COG2: variants seen among roughly 807,000 people sequenced by gnomAD.
COG2 encodes the protein conserved oligomeric Golgi complex subunit 2.
A neutral mutation model predicts 90.6 loss-of-function variants in COG2; 52 were observed. The ratio of observed to expected loss-of-function variants is 0.57; its 90% CI spans 0.46 to 0.72. The LOEUF is 0.72. Among genes scored for constraint, COG2 ranks in the 30% least tolerant of loss-of-function variants. The pLI is 0.00. For missense variants in COG2, 829 were observed against 891.2 expected (o/e 0.93, Z 0.89); for synonymous variants, 337 against 320.4 (o/e 1.05, Z -0.55).
rs1663105213 is a variant in COG2, at chr1:230,693,902, A to C, written c.*509A>C. ...ACTGTGTGTGAGAGCAGTGCTTCTG[A>C]TCCTGCTGTCACCCCGACCTCTGGC... On this transcript the variant is annotated 3_prime_UTR_variant, in exon 18 of 18. Transcript: ENST00000366669. 1 of 152,204 alleles carries C rather than the reference A, an allele frequency of 6.6e-6. No individual in the cohort carries two copies. Among genetic ancestry groups the C allele is most frequent in the Admixed American group, 6.5e-5 (1 of 15,270 alleles). 9.4% of individuals were successfully genotyped at this position (152,204 alleles called of 1,614,324 possible). A position where few individuals can be genotyped will look rare whatever the true frequency, so the allele number is the denominator to read the frequency against.
At chr1:230,652,686 C>T (rs542472839) in intron 1 of COG2, among the ~76,000 whole-genome samples, 1 of 152,328 alleles carries the variant, frequency 6.6e-6, no homozygotes, top group Non-Finnish European at 1.5e-5. Context: ...TGCTCCATAA[C>T]TTCAGAAGCA....
chr1:230,655,102 T>C (rs1484532933), intron 1 of COG2, among the ~76,000 whole-genome samples: 3 of 152,208 alleles, frequency 2.0e-5, no homozygotes, highest in Non-Finnish European at 4.4e-5. Context: ...TTCTCTTGCC[T>C]GATTGCCTTG....
rs562635129 is a variant in COG2 at position 230,656,285 on chromosome 1, C to A, written c.73-3179C>A. Among the ~76,000 whole-genome samples, 5 of 152,176 alleles carry A rather than the reference C, an allele frequency of 3.3e-5. No homozygotes were observed. In the South Asian group the frequency reaches 1.0e-3, roughly 32 times the overall value. The stretch of plus-strand genomic sequence containing the variant: ...CTCTACACACTCCTTTACATGTGTC[C>A]CGGAGATTCTGGTACGTTGTGTCTT... On this transcript the variant is annotated intron_variant, in intron 1 of 17. Transcript: ENST00000366669.
chr1:230,670,666 G>A (rs1662426709), intron 7 of COG2: 2 of 152,098 alleles, frequency 1.3e-5, no homozygotes, highest in Admixed American at 1.3e-4. Flanking sequence ...ACGCAGGCTG[G>A]GGTGCAGAGG....
At chr1:230,646,878 A>G (rs1019855117) in intron 1 of COG2, among the ~76,000 whole-genome samples, 4 of 151,894 alleles carry the variant, frequency 2.6e-5, no homozygotes, top group Non-Finnish European at 5.9e-5. Flanking sequence ...AAGCCTTAGG[A>G]TTTCACTTCC....
intron 1 of COG2, among the ~76,000 whole-genome samples, chr1:230,651,157 T>C (rs142450012): frequency 6.6e-6 from 1 of 152,248 alleles, no homozygotes; most frequent in African/African-American, 2.4e-5. Context: ...TGTTGCCTCT[T>C]GGTAGTACCT....
Position 230,666,613 on chromosome 1 carries a change from T to G in COG2, c.485+2026T>G, listed in dbSNP as rs139350361. ...CCACTTCTGTATTCTTCACTAAAGC[T>G]ATTCAGAACTACTTTTGGTTCCCTG... On this transcript the variant is annotated intron_variant, in intron 5 of 17. Transcript: ENST00000366669. Among the ~76,000 whole-genome samples the G allele has an allele frequency of 5.0e-3, 767 of 152,336 alleles. 7 individuals are homozygous for G. Among genetic ancestry groups the G allele is most frequent in the African/African-American group, 0.017 (724 of 41,578 alleles).
intron 1 of COG2, 131 bp from the exon 2 acceptor site, chr1:230,659,333 A>G (rs1433718520): frequency 2.5e-5 from 19 of 748,758 alleles, no homozygotes; most frequent in Non-Finnish European, 4.1e-5. Flanking sequence ...AAGCCAAGAT[A>G]CTTTCTTCCT....
intron 7 of COG2, chr1:230,670,378 A>G (rs1395744589): frequency 2.6e-5 from 4 of 152,228 alleles, no homozygotes; most frequent in Admixed American, 2.6e-4. Context: ...AGTAAATACA[A>G]AGATTATACT....
rs115774049 is a variant in COG2 at position 230,693,551 on chromosome 1, C to T, written c.*158C>T. 1.6e-3 allele frequency: 767 copies of T among 488,422 alleles called. 6 individuals are homozygous for T. The highest frequency in any genetic ancestry group is 0.013 in the African/African-American group (671 of 50,892). 30.3% of individuals were successfully genotyped at this position (488,422 alleles called of 1,614,324 possible). A position where few individuals can be genotyped will look rare whatever the true frequency, so the allele number is the denominator to read the frequency against. Reference sequence around the variant, plus strand: ...AACACGCCCATGCGTCTTCTCTCAGCGTATTTGGGTCTTCTTTGCCCAAAA... The same window carrying T: ...AACACGCCCATGCGTCTTCTCTCAGTGTATTTGGGTCTTCTTTGCCCAAAA... On this transcript the variant is annotated 3_prime_UTR_variant, in exon 18 of 18. Transcript: ENST00000366669.
chr1:230,642,506 T>C lies in COG2; in HGVS notation c.-101T>C. The C allele has an allele frequency of 8.5e-7, 1 of 1,175,636 alleles. No homozygotes were observed. The highest frequency in any genetic ancestry group is 1.2e-6 in the Non-Finnish European group (1 of 813,804). The allele number at this position is 1,175,636 out of a possible 1,614,324, so 72.8% of individuals were successfully genotyped here. Reference sequence around the variant, plus strand: ...ATGTTGGCGGAAGCGGACCCCCCTGTGCCGTGGAAACTGGCGGTGGCCGCG... The same window carrying C: ...ATGTTGGCGGAAGCGGACCCCCCTGCGCCGTGGAAACTGGCGGTGGCCGCG... On this transcript the variant is annotated 5_prime_UTR_variant, in exon 1 of 18. Coordinates refer to ENST00000366669, the MANE Select transcript of COG2 (RefSeq NM_007357.3).
intron 5 of COG2, among the ~76,000 whole-genome samples, chr1:230,666,793 AGAAAGTTTAAAAATACTGT>A (rs1297434983): frequency 6.6e-6 from 1 of 152,250 alleles, no homozygotes; most frequent in Non-Finnish European, 1.5e-5. Flanking sequence ...CTTAAAGTAT[AGAAAGTTTAAAAATACTGT>A]GCTAAGTGGA....
intron 4 of COG2, among the ~76,000 whole-genome samples, chr1:230,663,613 T>A (rs967063406): frequency 1.3e-5 from 2 of 152,222 alleles, no homozygotes; most frequent in Non-Finnish European, 2.9e-5. Context: ...TATCCACTTA[T>A]ATCCCCAATG....
rs766078963 is a variant in COG2, at chr1:230,663,177, G to A, written c.337G>A (p.Val113Ile). ...GTCTGTCAGTGAAGGAATTCGGGCAGTTGATGAACGAATGTCTAAACAAGA... is the reference window on the plus strand; with the variant it reads ...GTCTGTCAGTGAAGGAATTCGGGCAATTGATGAACGAATGTCTAAACAAGA... The part of the protein sequence containing the change: ...RSSVSEGIRA[V>I]DERMSKQEDI... Residue 113 changes from valine (V) to isoleucine (I), a missense_variant, in exon 4 of 18, where the codon GTT becomes ATT. Physicochemically the swap from Val to Ile is conservative, Grantham distance 29 (BLOSUM62 3). Coordinates refer to ENST00000366669, the MANE Select transcript of COG2 (RefSeq NM_007357.3). The A allele has an allele frequency of 2.0e-5, 32 of 1,610,404 alleles. No individual in the cohort carries two copies. Among genetic ancestry groups the A allele is most frequent in the Non-Finnish European group, 2.7e-5 (32 of 1,178,236 alleles).
At chr1:230,678,517 C>T (rs1366987014) in intron 9 of COG2, 1 of 985,212 alleles carries the variant, frequency 1.0e-6, no homozygotes, top group African/African-American at 1.7e-5. Context: ...TTTCTCTTCT[C>T]TCTCTTTCTT....
chr1:230,647,051 C>G (rs1011303109), intron 1 of COG2, among the ~76,000 whole-genome samples: 1 of 151,926 alleles, frequency 6.6e-6, no homozygotes, highest in Non-Finnish European at 1.5e-5. Context: ...GGCAGGGTGC[C>G]CTTTTCAAAA....
chr1:230,684,997 G>C, intron 11 of COG2, 88 bp from the exon 12 acceptor site: 1 of 1,464,994 alleles, frequency 6.8e-7, no homozygotes, highest in East Asian at 2.3e-5. Flanking sequence ...CTTTACCTTT[G>C]AATCGTACAT....
intron 15 of COG2, 89 bp from the exon 16 acceptor site, chr1:230,689,925 T>G: frequency 1.5e-6 from 2 of 1,308,982 alleles, no homozygotes; most frequent in South Asian, 3.1e-5. Flanking sequence ...ACGTTAATAG[T>G]ATCCTTTTGG....
chr1:230,663,781 T>C (rs867793084), intron 4 of COG2, among the ~76,000 whole-genome samples: 6 of 152,202 alleles, frequency 3.9e-5, no homozygotes, highest in African/African-American at 1.4e-4. Context: ...TTAACGTTTA[T>C]TGGTATATCA....
Sources: allele counts gnomAD v4.1 joint callset (sites outside exome capture counted in the v4.1 genomes callset), GRCh38; gene constraint gnomAD v4.1.1; transcripts MANE v1.5; gene names NCBI Gene and HGNC (gene_info 2026-07-23, HGNC 2026-07-21).